HS3ST4: variants seen among roughly 807,000 people sequenced by gnomAD.
The protein encoded by HS3ST4 is heparan sulfate glucosamine 3-O-sulfotransferase 4.
Under a neutral mutation model 29.2 loss-of-function variants are expected in HS3ST4, and 17 were observed. The observed-to-expected ratio is 0.58, with a 90% CI of 0.40 to 0.87. The LOEUF is 0.87. Among genes scored for constraint, HS3ST4 ranks in the 40% least tolerant of loss-of-function variants. HS3ST4 has a pLI of 0.00. For missense variants in HS3ST4, 627 were observed against 634.5 expected, an observed-to-expected ratio of 0.99 and a Z score of 0.13; for synonymous variants, 314 against 285.7, an observed-to-expected ratio of 1.10 and a Z score of -1.00.
intron 1 of HS3ST4, among the ~76,000 whole-genome samples, chr16:25,984,132 A>G (rs1223300729): frequency 6.8e-6 from 1 of 146,162 alleles, no homozygotes; most frequent in Non-Finnish European, 1.5e-5. Context: ...TGTTAACTGT[A>G]GTAGTCATCC....
At chr16:26,024,035 G>C (rs1969442263) in intron 1 of HS3ST4, among the ~76,000 whole-genome samples, 1 of 151,952 alleles carries the variant, frequency 6.6e-6, no homozygotes, top group Non-Finnish European at 1.5e-5. Context: ...GACCAGCCTG[G>C]CCAACATGTT....
intron 1 of HS3ST4, among the ~76,000 whole-genome samples, chr16:25,953,076 A>T (rs1191015385): frequency 6.6e-6 from 1 of 152,332 alleles, no homozygotes; most frequent in East Asian, 1.9e-4. Flanking sequence ...GTGAAGTAAC[A>T]GCCAGCTCCA....
intron 1 of HS3ST4, among the ~76,000 whole-genome samples, chr16:26,030,589 C>G (rs1222110303): frequency 6.6e-6 from 1 of 152,046 alleles, no homozygotes; most frequent in East Asian, 1.9e-4. Flanking sequence ...CTGTAGAGCC[C>G]ATCAGAACCA....
chr16:25,764,323 A>G (rs760691310), intron 1 of HS3ST4, among the ~76,000 whole-genome samples: 1 of 152,198 alleles, frequency 6.6e-6, no homozygotes, highest in Non-Finnish European at 1.5e-5. Flanking sequence ...GGGCAGACAC[A>G]TTTATCAATG....
chr16:25,933,486 T>C lies in HS3ST4; in HGVS notation c.735-202126T>C, dbSNP rs1191531006. On this transcript the variant is annotated intron_variant, in intron 1 of 1. Transcript: ENST00000331351. ...CCATTTCTTAGAGTGGAACACAAAATTTTAGATGCCACAGCGAGAGTAGGC... is the reference window on the plus strand; with the variant it reads ...CCATTTCTTAGAGTGGAACACAAAACTTTAGATGCCACAGCGAGAGTAGGC... 8 of 466,132 alleles carry C rather than the reference T, an allele frequency of 1.7e-5. No homozygotes were observed. The East Asian group carries it at 2.4e-4, about 14-fold the overall frequency. 28.9% of individuals were successfully genotyped at this position (466,132 alleles called of 1,614,324 possible).
chr16:25,756,527 A>T (rs1377247847), intron 1 of HS3ST4, among the ~76,000 whole-genome samples: 1 of 152,234 alleles, frequency 6.6e-6, no homozygotes. Flanking sequence ...GTGATGAATC[A>T]CATGACAACC....
In HS3ST4 at chr16:25,978,602, G is replaced by A. The variant is rs567599455; in HGVS notation, c.735-157010G>A. ...TGTCTACATCTCTTGTGCTTTGTTG[G>A]CCAAGTAGGTGATCTGGAGCAAGTC... is the stretch of plus-strand genomic sequence containing the variant. On this transcript the variant is annotated intron_variant, in intron 1 of 1. Transcript: ENST00000331351. Among the ~76,000 whole-genome samples, 17 of 152,298 alleles carry A rather than the reference G, an allele frequency of 1.1e-4. No homozygotes were observed. The South Asian group carries it at 2.1e-3, about 19-fold the overall frequency.
chr16:25,827,545 A>C (rs563818189), intron 1 of HS3ST4, among the ~76,000 whole-genome samples: 64 of 151,250 alleles, frequency 4.2e-4, no homozygotes, highest in Middle Eastern at 3.4e-3. Context: ...AAAAAAAAAA[A>C]AACAACAACA....
At chr16:25,725,214 G>C (rs537253901) in intron 1 of HS3ST4, among the ~76,000 whole-genome samples, 1 of 152,100 alleles carries the variant, frequency 6.6e-6, no homozygotes, top group East Asian at 1.9e-4. Flanking sequence ...TTTCACAGGA[G>C]TGTATCAGAG....
intron 1 of HS3ST4, among the ~76,000 whole-genome samples, chr16:25,928,499 G>A (rs1401686788): frequency 6.6e-6 from 1 of 152,134 alleles, no homozygotes; most frequent in African/African-American, 2.4e-5. Context: ...TTCTAAATGG[G>A]ATATCTTCCA....
intron 1 of HS3ST4, among the ~76,000 whole-genome samples, chr16:26,122,650 C>G (rs1414057642): frequency 2.0e-5 from 3 of 152,162 alleles, no homozygotes; most frequent in African/African-American, 7.2e-5. Flanking sequence ...GTTCGGTACT[C>G]TATGACTGGG....
chr16:25,762,876 C>CAAAAAAAAAAAA lies in HS3ST4; in HGVS notation c.734+69737_734+69748dup, dbSNP rs67260535. On this transcript the variant is annotated intron_variant, in intron 1 of 1. Coordinates refer to ENST00000331351, the MANE Select transcript of HS3ST4 (RefSeq NM_006040.3). ...TGGGTGACAGAGCAAGACCCTGTCT[C>CAAAAAAAAAAAA]AAAAAAAAAAAAAAAAAAAAAAAGA... 3.6e-4 allele frequency among the ~76,000 whole-genome samples: 22 copies of CAAAAAAAAAAAA among 60,454 alleles called. 1 individual carries two copies. The highest frequency in any genetic ancestry group is 1.2e-3 in the East Asian group (2 of 1,726). 39.7% of individuals were successfully genotyped at this position (60,454 alleles called of 152,430 possible).
At chr16:25,706,025 T>C (rs1333344128) in intron 1 of HS3ST4, among the ~76,000 whole-genome samples, 2 of 152,208 alleles carry the variant, frequency 1.3e-5, no homozygotes, top group African/African-American at 4.8e-5. Context: ...AAAGTTAGAT[T>C]AAGAGGTTTA....
intron 1 of HS3ST4, among the ~76,000 whole-genome samples, chr16:25,754,905 C>CCATCCACCCATCCATCCATT (rs1332728525): frequency 2.7e-4 from 41 of 152,016 alleles, no homozygotes; most frequent in Admixed American, 1.8e-3. Context: ...ATCAACCTGC[C>CCATCCACCCATCCATCCATT]CATCCACCCA....
intron 1 of HS3ST4, among the ~76,000 whole-genome samples, chr16:26,094,131 C>T (rs937602533): frequency 6.6e-6 from 1 of 152,158 alleles, no homozygotes; most frequent in East Asian, 1.9e-4. Flanking sequence ...ACCAAATCTA[C>T]GTTTGATTGG....
intron 1 of HS3ST4, among the ~76,000 whole-genome samples, chr16:25,989,380 A>C (rs2141727334): frequency 6.6e-6 from 1 of 152,326 alleles, no homozygotes; most frequent in Admixed American, 6.5e-5. Flanking sequence ...TATTAATATG[A>C]GTGATCTGGG....
chr16:25,740,867 A>G (rs1342170993), intron 1 of HS3ST4, among the ~76,000 whole-genome samples: 2 of 152,114 alleles, frequency 1.3e-5, no homozygotes, highest in Non-Finnish European at 2.9e-5. Context: ...AGTTCCCCTA[A>G]TTATTTACTT....
chr16:25,938,922 CT>C (rs1187556589), intron 1 of HS3ST4, among the ~76,000 whole-genome samples: 1 of 152,210 alleles, frequency 6.6e-6, no homozygotes, highest in Non-Finnish European at 1.5e-5. Context: ...CCCCTTTCTC[CT>C]GCTAAACCAG....
At chr16:25,758,875 G>C (rs1234662387) in intron 1 of HS3ST4, among the ~76,000 whole-genome samples, 1 of 151,882 alleles carries the variant, frequency 6.6e-6, no homozygotes, top group Non-Finnish European at 1.5e-5. Context: ...AGAATCACTT[G>C]AACACGGGAG....
Sources: gnomAD v4.1 joint callset for allele counts (sites outside exome capture counted in the v4.1 genomes callset) on GRCh38, gnomAD v4.1.1 for gene constraint, MANE v1.5 for transcripts, NCBI Gene and HGNC (gene_info 2026-07-23, HGNC 2026-07-21) for gene names.